GRIA4: variants seen among roughly 807,000 people sequenced by gnomAD.
The protein encoded by GRIA4 is glutamate receptor 4.
Under a neutral mutation model 104.0 loss-of-function variants are expected in GRIA4, and 34 were observed. That is an observed-to-expected ratio of 0.33 (90% confidence interval 0.25 to 0.44). GRIA4 has a LOEUF of 0.44. GRIA4 is among the 20% of genes least tolerant of loss of function. The pLI is 1.00. For synonymous variants in GRIA4, 386 were observed against 381.9 expected, an observed-to-expected ratio of 1.01 and a Z score of -0.13; for missense variants, 750 against 1,096.5, an observed-to-expected ratio of 0.68 and a Z score of 4.46.
chr11:105,679,533 T>C (rs1952644197), intron 3 of GRIA4, among the ~76,000 whole-genome samples: 1 of 152,084 alleles, frequency 6.6e-6, no homozygotes, highest in South Asian at 2.1e-4. Flanking sequence ...GCAACCCTTA[T>C]CCCAGAAGAG....
chr11:105,723,795 T>C (rs553136908), intron 3 of GRIA4, among the ~76,000 whole-genome samples: 1 of 152,204 alleles, frequency 6.6e-6, no homozygotes, highest in African/African-American at 2.4e-5. Context: ...GTCCTAAGGC[T>C]CAATAAAACT....
At chr11:105,969,849 C>T (rs1428220324) in intron 14 of GRIA4, among the ~76,000 whole-genome samples, 1 of 152,076 alleles carries the variant, frequency 6.6e-6, no homozygotes, top group African/African-American at 2.4e-5. Flanking sequence ...TTATAGAGCA[C>T]CTACTCTGAG....
At chr11:105,947,708 T>C (rs1438077063) in intron 14 of GRIA4, among the ~76,000 whole-genome samples, 1 of 152,216 alleles carries the variant, frequency 6.6e-6, no homozygotes, top group African/African-American at 2.4e-5. Context: ...TTCTGACAAG[T>C]AGCAAATAAC....
chr11:105,665,073 A>C (rs1400117010), intron 3 of GRIA4, among the ~76,000 whole-genome samples: 5 of 152,072 alleles, frequency 3.3e-5, no homozygotes, highest in Non-Finnish European at 7.4e-5. Flanking sequence ...GTACCTGACC[A>C]TAATTTGATT....
chr11:105,886,669 G>A (rs902321980), intron 5 of GRIA4, among the ~76,000 whole-genome samples: 30 of 152,070 alleles, frequency 2.0e-4, no homozygotes, highest in Admixed American at 1.7e-3. Flanking sequence ...GACAATGAAC[G>A]TACCTGAAAA....
At chr11:105,851,513 A>G (rs917000034) in intron 4 of GRIA4, among the ~76,000 whole-genome samples, 3 of 152,216 alleles carry the variant, frequency 2.0e-5, no homozygotes, top group Admixed American at 6.6e-5. Flanking sequence ...TAAAGAAAAA[A>G]GACAACAACC....
At chr11:105,632,360 G>T (rs1396124537) in intron 3 of GRIA4, among the ~76,000 whole-genome samples, 5 of 152,106 alleles carry the variant, frequency 3.3e-5, no homozygotes, top group African/African-American at 1.2e-4. Context: ...CACTTTCCCA[G>T]TTTCAAAGAC....
chr11:105,816,380 C>A (rs1157023392), intron 4 of GRIA4, among the ~76,000 whole-genome samples: 1 of 151,982 alleles, frequency 6.6e-6, no homozygotes, highest in Non-Finnish European at 1.5e-5. Context: ...CCCTCTTGAT[C>A]CTGTTCTCAT....
At chr11:105,887,383 T>G in intron 5 of GRIA4, 136 bp from the exon 6 acceptor site, 1 of 496,870 alleles carries the variant, frequency 2.0e-6, no homozygotes, top group Admixed American at 4.1e-5. Flanking sequence ...CTATAGTACG[T>G]GACTTTTATT....
At chr11:105,817,567 T>C (rs1239426210) in intron 4 of GRIA4, among the ~76,000 whole-genome samples, 2 of 151,972 alleles carry the variant, frequency 1.3e-5, no homozygotes, top group Non-Finnish European at 2.9e-5. Context: ...CATTGTCATG[T>C]AAAGAGGACA....
rs552226132 is a variant in GRIA4 at position 105,882,846 on chromosome 11, T to A, written c.673-4673T>A. Among the ~76,000 whole-genome samples the A allele has an allele frequency of 3.3e-5, 5 of 152,312 alleles. No individual in the cohort carries two copies. The South Asian group carries it at 1.0e-3, about 32-fold the overall frequency. Reference sequence around the variant, plus strand: ...ATTGAACTGAAAAGTGAAGTCAATATGGAAAAGTGTCCTAATTCATTTTCT... The same window carrying A: ...ATTGAACTGAAAAGTGAAGTCAATAAGGAAAAGTGTCCTAATTCATTTTCT... On this transcript the variant is annotated intron_variant, in intron 5 of 16. Transcript: ENST00000282499.
chr11:105,870,672 T>C (rs1206248984), intron 5 of GRIA4, among the ~76,000 whole-genome samples: 5 of 152,014 alleles, frequency 3.3e-5, no homozygotes, highest in Admixed American at 1.3e-4. Flanking sequence ...GAGAGCTTCG[T>C]GTCCTGGGAA....
At chr11:105,782,643 A>G (rs955887703) in intron 4 of GRIA4, among the ~76,000 whole-genome samples, 1 of 152,198 alleles carries the variant, frequency 6.6e-6, no homozygotes, top group South Asian at 2.1e-4. Flanking sequence ...GAGAAACACA[A>G]TCTTAACCTG....
At chr11:105,872,780 A>C (rs1945664338) in intron 5 of GRIA4, among the ~76,000 whole-genome samples, 1 of 152,122 alleles carries the variant, frequency 6.6e-6, no homozygotes, top group African/African-American at 2.4e-5. Context: ...TTTTGGAATT[A>C]TCATGTTCAA....
At chr11:105,909,609 C>A (rs183467550) in intron 9 of GRIA4, among the ~76,000 whole-genome samples, 1 of 152,022 alleles carries the variant, frequency 6.6e-6, no homozygotes, top group Non-Finnish European at 1.5e-5. Context: ...AACTTTAAGA[C>A]GTATACTTTT....
intron 4 of GRIA4, among the ~76,000 whole-genome samples, chr11:105,790,467 T>C (rs11226851): frequency 0.46 from 69,586 of 151,946 alleles, 16,315 homozygotes; most frequent in Middle Eastern, 0.52. Context: ...CTTAGTTGTC[T>C]TCTCCCATGC....
chr11:105,925,085 T>G (rs1947667849), intron 12 of GRIA4, among the ~76,000 whole-genome samples: 1 of 152,130 alleles, frequency 6.6e-6, no homozygotes, highest in Non-Finnish European at 1.5e-5. Context: ...TCATTTCCAT[T>G]TTGTTTCCTT....
At chr11:105,644,595 C>T (rs965623595) in intron 3 of GRIA4, among the ~76,000 whole-genome samples, 8 of 152,080 alleles carry the variant, frequency 5.3e-5, no homozygotes, top group African/African-American at 1.7e-4. Flanking sequence ...AAGAGCCAGA[C>T]TCCATCTCAA....
chr11:105,717,680 G>A (rs1232571324), intron 3 of GRIA4, among the ~76,000 whole-genome samples: 4 of 151,818 alleles, frequency 2.6e-5, no homozygotes, highest in Non-Finnish European at 5.9e-5. Flanking sequence ...AGATTTTTAA[G>A]TACAGCCTTT....
Sources: allele counts gnomAD v4.1 joint callset (sites outside exome capture counted in the v4.1 genomes callset), GRCh38; gene constraint gnomAD v4.1.1; transcripts MANE v1.5; gene names NCBI Gene and HGNC (gene_info 2026-07-23, HGNC 2026-07-21).